The following PLBD1 variants were observed in gnomAD, a reference collection of about 807,000 sequenced individuals.
PLBD1 encodes the protein phospholipase B domain containing 1.
A neutral mutation model predicts 63.0 loss-of-function variants in PLBD1; 60 were observed. That is an observed-to-expected ratio of 0.95 (90% confidence interval 0.77 to 1.18). The LOEUF (loss-of-function observed/expected upper bound fraction) is 1.18. PLBD1 is among the 50% of genes most tolerant of loss of function. The pLI is 0.00. For missense variants in PLBD1, 598 were observed against 677.9 expected, an observed-to-expected ratio of 0.88 and a Z score of 1.31; for synonymous variants, 262 against 248.0, an observed-to-expected ratio of 1.06 and a Z score of -0.53.
chr12:14,551,217 G>A (rs1484499555), intron 2 of PLBD1, among the ~76,000 whole-genome samples: 2 of 151,922 alleles, frequency 1.3e-5, no homozygotes, highest in East Asian at 3.9e-4. Flanking sequence ...ACAAAAATTA[G>A]CTGGGTATGG....
chr12:14,526,963 A>T (rs1565574023), intron 6 of PLBD1, among the ~76,000 whole-genome samples: 1 of 152,120 alleles, frequency 6.6e-6, no homozygotes. Context: ...CAAGAGCGAA[A>T]CTCCATCTCA....
At chr12:14,553,612 C>T (rs1369029512) in intron 1 of PLBD1, 200 bp from the exon 2 acceptor site, 37 of 603,106 alleles carry the variant, frequency 6.1e-5, no homozygotes, top group Non-Finnish European at 9.9e-5. Flanking sequence ...AAGCCCAAAA[C>T]ACAAAGAGCA....
chr12:14,537,037 C>A (rs1257682508), intron 4 of PLBD1, among the ~76,000 whole-genome samples: 2 of 139,710 alleles, frequency 1.4e-5, no homozygotes, highest in African/African-American at 5.4e-5. Flanking sequence ...TGCAGTGAGC[C>A]AAGATCGCAC....
At chr12:14,511,205 A>G (rs2136905390) in intron 8 of PLBD1, 55 bp downstream of exon 8, 10 of 1,471,664 alleles carry the variant, frequency 6.8e-6, no homozygotes, top group Non-Finnish European at 9.2e-6. Flanking sequence ...CCCCTACCAT[A>G]TATGAACACA....
intron 2 of PLBD1, among the ~76,000 whole-genome samples, chr12:14,550,891 A>AG (rs1945653508): frequency 6.6e-6 from 1 of 151,464 alleles, no homozygotes; most frequent in African/African-American, 2.4e-5. Flanking sequence ...AAAAAAAAAA[A>AG]AATTATTTGA....
rs139953380 is a variant in PLBD1 at position 14,538,497 on chromosome 12, C to T, written c.559-1787G>A. Among the ~76,000 whole-genome samples, 139 of 152,046 alleles carry T rather than the reference C, an allele frequency of 9.1e-4. 1 individual carries two copies. The East Asian group carries it at 0.023, about 25-fold the overall frequency. ...GTGTCAGCCACTGCACCCAGCCTGT[C>T]TTCACTCTCCTAAGCAGCATTCCAA... On this transcript the variant is annotated intron_variant, in intron 4 of 10. Transcript: ENST00000240617.
At chr12:14,551,288 G>A (rs1433093411) in intron 2 of PLBD1, among the ~76,000 whole-genome samples, 4 of 149,730 alleles carry the variant, frequency 2.7e-5, no homozygotes, top group African/African-American at 7.4e-5. Context: ...GCTTGAATCC[G>A]AGAGGCAGAG....
At chr12:14,541,070 T>C (rs1336894070) in intron 3 of PLBD1, among the ~76,000 whole-genome samples, 168 bp from the exon 4 acceptor site, 12 of 152,228 alleles carry the variant, frequency 7.9e-5, no homozygotes, top group African/African-American at 2.9e-4. Flanking sequence ...AAATTCTAAC[T>C]GATTTTTAAT....
chr12:14,528,456 A>G (rs1232312395), intron 6 of PLBD1, among the ~76,000 whole-genome samples: 1 of 152,176 alleles, frequency 6.6e-6, no homozygotes, highest in East Asian at 1.9e-4. Flanking sequence ...AAAAATCTGT[A>G]AATTTTTGGA....
At chr12:14,564,606 A>G (rs1253833670) in intron 1 of PLBD1, among the ~76,000 whole-genome samples, 40 of 152,248 alleles carry the variant, frequency 2.6e-4, no homozygotes, top group Admixed American at 2.6e-3. Flanking sequence ...TCTGCCTGAC[A>G]GTTATATTTC....
intron 2 of PLBD1, among the ~76,000 whole-genome samples, chr12:14,546,884 T>A (rs1224376997): frequency 3.3e-5 from 5 of 152,036 alleles, no homozygotes; most frequent in Non-Finnish European, 7.4e-5. Flanking sequence ...CTTTTTTTTC[T>A]TTTTTCTTTT....
At position 14,540,106 on chromosome 12, in the gene PLBD1, T is replaced by TTTTATCTATATATA. The variant is rs71448876; in HGVS notation, c.558+657_558+658insTATATATAGATAAA. Among the ~76,000 whole-genome samples the TTTTATCTATATATA allele has an allele frequency of 6.2e-5, 4 of 64,032 alleles. 1 individual carries two copies. Among genetic ancestry groups the TTTTATCTATATATA allele is most frequent in the Admixed American group, 2.3e-4 (1 of 4,402 alleles). 42.0% of individuals were successfully genotyped at this position (64,032 alleles called of 152,430 possible). On this transcript the variant is annotated intron_variant, in intron 4 of 10. Coordinates refer to ENST00000240617, the MANE Select transcript of PLBD1 (RefSeq NM_024829.6). Reference sequence around the variant, plus strand: ...AAAAGAGAGTTATATAATATAAATATTATTTATATATATATATATATATAT... The same window carrying TTTTATCTATATATA: ...AAAAGAGAGTTATATAATATAAATATTTTATCTATATATATATTTATATATATATATATATATAT...
chr12:14,536,390 A>G (rs975404403), intron 5 of PLBD1, among the ~76,000 whole-genome samples, 180 bp downstream of exon 5: 1 of 152,208 alleles, frequency 6.6e-6, no homozygotes, highest in African/African-American at 2.4e-5. Flanking sequence ...CAGATGTAAC[A>G]TCGTGTACTT....
At chr12:14,540,187 A>C (rs1461549986) in intron 4 of PLBD1, among the ~76,000 whole-genome samples, 1 of 145,090 alleles carries the variant, frequency 6.9e-6, no homozygotes, top group African/African-American at 2.5e-5. Flanking sequence ...TATACAGATT[A>C]TATACATATA....
intron 6 of PLBD1, among the ~76,000 whole-genome samples, chr12:14,514,258 G>GTGTAAAA (rs1197029883): frequency 6.6e-6 from 1 of 152,240 alleles, no homozygotes; most frequent in African/African-American, 2.4e-5. Flanking sequence ...GCTTGACAGA[G>GTGTAAAA]TGTAAAATGG....
At chr12:14,531,950 T>C (rs1029658807) in intron 6 of PLBD1, among the ~76,000 whole-genome samples, 1 of 152,200 alleles carries the variant, frequency 6.6e-6, no homozygotes, top group African/African-American at 2.4e-5. Context: ...GTGCATGTAT[T>C]TGAAAGTAGG....
At chr12:14,504,048 C>A in intron 10 of PLBD1, 94 bp from the exon 11 acceptor site, 2 of 1,208,260 alleles carry the variant, frequency 1.7e-6, no homozygotes, top group Non-Finnish European at 2.3e-6. Flanking sequence ...ACCAAAGTCA[C>A]AATATTAGCT....
At chr12:14,553,845 T>C (rs188654292) in intron 1 of PLBD1, 21 of 189,806 alleles carry the variant, frequency 1.1e-4, no homozygotes, top group Middle Eastern at 2.7e-3. Flanking sequence ...AGCGCTCAGC[T>C]TCAGGAGGGA....
At chr12:14,525,725 A>ATT (rs1565573810) in intron 6 of PLBD1, among the ~76,000 whole-genome samples, 6 of 151,876 alleles carry the variant, frequency 4.0e-5, no homozygotes, top group Admixed American at 1.3e-4. Context: ...GCACACACAC[A>ATT]CTTGTTTTAA....
Sources: allele counts gnomAD v4.1 joint callset (sites outside exome capture counted in the v4.1 genomes callset), GRCh38; gene constraint gnomAD v4.1.1; transcripts MANE v1.5; gene names NCBI Gene and HGNC (gene_info 2026-07-23, HGNC 2026-07-21).